DENND6A: variants seen among roughly 807,000 people sequenced by gnomAD.
The protein encoded by DENND6A is protein DENND6A.
In DENND6A, 43 loss-of-function variants were observed where a neutral mutation model predicts 95.5. The observed-to-expected ratio is 0.45, with a 90% CI of 0.35 to 0.58. The LOEUF (loss-of-function observed/expected upper bound fraction) is 0.58, where lower values mean the gene tolerates loss of function less well. DENND6A is among the 20% of genes least tolerant of loss of function. DENND6A has a pLI of 0.00. For missense variants in DENND6A, 574 were observed against 736.0 expected, an observed-to-expected ratio of 0.78 and a Z score of 2.55; for synonymous variants, 257 against 260.4, an observed-to-expected ratio of 0.99 and a Z score of 0.13.
intron 1 of DENND6A, among the ~76,000 whole-genome samples, chr3:57,680,233 G>A (rs2077151170): frequency 1.3e-5 from 2 of 152,164 alleles, no homozygotes; most frequent in Admixed American, 6.5e-5. Context: ...CTTGAATTAG[G>A]CAATGTTTTC....
chr3:57,633,717 C>T (rs1452307932), intron 14 of DENND6A, among the ~76,000 whole-genome samples: 4 of 152,000 alleles, frequency 2.6e-5, no homozygotes, highest in Admixed American at 6.6e-5. Flanking sequence ...GGTGAAACCC[C>T]GTCTCTACTA....
chr3:57,635,283 AGTGGTGAT>A (rs2070768197), intron 12 of DENND6A, among the ~76,000 whole-genome samples: 1 of 152,136 alleles, frequency 6.6e-6, no homozygotes, highest in African/African-American at 2.4e-5. Context: ...ACTGCCAGCA[AGTGGTGAT>A]GGTGTGTGCA....
chr3:57,651,630 T>C (rs2071211410), intron 9 of DENND6A, among the ~76,000 whole-genome samples: 1 of 151,952 alleles, frequency 6.6e-6, no homozygotes, highest in South Asian at 2.1e-4. Context: ...TAGTGAATTG[T>C]ACTTTAAAAG....
At chr3:57,680,282 C>T (rs1333758138) in intron 1 of DENND6A, among the ~76,000 whole-genome samples, 1 of 152,132 alleles carries the variant, frequency 6.6e-6, no homozygotes. Flanking sequence ...CAAAAGGAAA[C>T]ATAAATAAAT....
At chr3:57,681,174 T>G (rs2077160544) in intron 1 of DENND6A, among the ~76,000 whole-genome samples, 1 of 151,938 alleles carries the variant, frequency 6.6e-6, no homozygotes, top group Non-Finnish European at 1.5e-5. Context: ...TCAAAAAAGT[T>G]TAAAAATTAG....
chr3:57,656,811 A>G (rs529380983), intron 9 of DENND6A, among the ~76,000 whole-genome samples: 1 of 152,266 alleles, frequency 6.6e-6, no homozygotes, highest in East Asian at 1.9e-4. Flanking sequence ...ACAAAAATGT[A>G]GCCAGACATG....
chr3:57,643,003 T>A (rs1367143370), intron 11 of DENND6A, among the ~76,000 whole-genome samples: 6 of 95,482 alleles, frequency 6.3e-5, no homozygotes, highest in African/African-American at 1.9e-4. Flanking sequence ...CGAGACTTCA[T>A]CTCAAAAAAA....
chr3:57,632,346 G>A (rs1260085994), intron 15 of DENND6A, among the ~76,000 whole-genome samples: 1 of 151,182 alleles, frequency 6.6e-6, no homozygotes, highest in Non-Finnish European at 1.5e-5. Flanking sequence ...TTTTTTAAGA[G>A]AGTCTTGCTG....
At chr3:57,688,524 A>G (rs1559835110) in intron 1 of DENND6A, among the ~76,000 whole-genome samples, 1 of 152,028 alleles carries the variant, frequency 6.6e-6, no homozygotes, top group Non-Finnish European at 1.5e-5. Context: ...AGATACTCCA[A>G]TATTAAGCTT....
At position 57,672,747 on chromosome 3, in the gene DENND6A, C is replaced by T. The variant is rs1185204265; in HGVS notation, c.238-309G>A. Among the ~76,000 whole-genome samples, 3 of 152,076 alleles carry T rather than the reference C, an allele frequency of 2.0e-5. No individual in the cohort carries two copies. The East Asian group carries it at 5.8e-4, about 29-fold the overall frequency. ...GTAGTAAGCCGAGATCATGCCACTG[C>T]ACTCCAGCCTGGGTGACAGAGCAAG... On this transcript the variant is annotated intron_variant, in intron 1 of 19. Coordinates refer to ENST00000311128, the MANE Select transcript of DENND6A (RefSeq NM_152678.3).
At position 57,630,440 on chromosome 3, in the gene DENND6A, AG is replaced by A; in HGVS notation, c.1600del (p.Leu534Ter). 1 of 1,590,748 alleles carries A rather than the reference AG, an allele frequency of 6.3e-7. No individual in the cohort carries two copies. The highest frequency in any genetic ancestry group is 8.5e-7 in the Non-Finnish European group (1 of 1,175,080). On this transcript the variant is annotated frameshift_variant, in exon 18 of 20. Transcript: ENST00000311128. LOFTEE classifies it high-confidence loss of function. ...EMTQKLEALH[L>X]EALCEEDLLL... is the part of the protein sequence containing the mutation. ...TCGAACCTCTTCACAAAGAGCTTCT[AG>A]ATGGAGTGCCTCCAATTTTTGGGTC... is the stretch of plus-strand genomic sequence containing the variant.
chr3:57,684,157 A>AAG (rs1169210013), intron 1 of DENND6A, among the ~76,000 whole-genome samples: 2 of 149,688 alleles, frequency 1.3e-5, no homozygotes, highest in Non-Finnish European at 3.0e-5. Context: ...GTCTCAAAAA[A>AAG]AAAAAAAAAA....
chr3:57,657,235 T>C (rs2071344762), intron 9 of DENND6A, among the ~76,000 whole-genome samples: 1 of 152,226 alleles, frequency 6.6e-6, no homozygotes, highest in Non-Finnish European at 1.5e-5. Context: ...TTTTCAAACA[T>C]ACAGAAAAGT....
chr3:57,657,830 C>G (rs1159966528), intron 8 of DENND6A, 95 bp from the exon 9 acceptor site: 1 of 714,768 alleles, frequency 1.4e-6, no homozygotes, highest in Non-Finnish European at 2.3e-6. Context: ...GCCATGCTGC[C>G]CTGTCTAACT....
At chr3:57,641,322 A>G (rs1464952234) in intron 12 of DENND6A, among the ~76,000 whole-genome samples, 1 of 144,634 alleles carries the variant, frequency 6.9e-6, no homozygotes, top group Non-Finnish European at 1.5e-5. Flanking sequence ...TATATTCAAT[A>G]TATTATATTA....
In DENND6A at chr3:57,661,561, A is replaced by G. The variant is rs2071424505; in HGVS notation, c.514-10T>C. The G allele has an allele frequency of 1.3e-6, 2 of 1,561,474 alleles. No homozygotes were observed. Among genetic ancestry groups the G allele is most frequent in the Non-Finnish European group, 1.7e-6 (2 of 1,162,646 alleles). ...TGATCAAAACCAAGGACTGAGGAAA[A>G]AACAAAAACAATGTTTTAAAAATTG... On this transcript the variant is annotated splice_polypyrimidine_tract_variant and intron_variant, in intron 5 of 19. Coordinates refer to ENST00000311128, the MANE Select transcript of DENND6A (RefSeq NM_152678.3).
Position 57,627,596 on chromosome 3 carries a change from A to G in DENND6A, c.*618T>C, listed in dbSNP as rs2070560106. On this transcript the variant is annotated 3_prime_UTR_variant, in exon 20 of 20. Coordinates refer to ENST00000311128, the MANE Select transcript of DENND6A (RefSeq NM_152678.3). ...ATATGACAACTGAAAAAAACCCATC[A>G]TGTCTATTAATAAACACAATGGGTA... 2 of 152,350 alleles carry G rather than the reference A, an allele frequency of 1.3e-5. No individual in the cohort carries two copies. The allele number at this position is 152,350 out of a possible 1,614,324, so 9.4% of individuals were successfully genotyped here. A position where few individuals can be genotyped will look rare whatever the true frequency, so the allele number is the denominator to read the frequency against.
chr3:57,688,451 C>T (rs1042211858), intron 1 of DENND6A, among the ~76,000 whole-genome samples: 3 of 152,054 alleles, frequency 2.0e-5, no homozygotes, highest in East Asian at 1.9e-4. Flanking sequence ...CTACTGCTAG[C>T]GAAACCTTGT....
chr3:57,635,875 T>C (rs1303111723), intron 12 of DENND6A, among the ~76,000 whole-genome samples: 1 of 152,150 alleles, frequency 6.6e-6, no homozygotes, highest in Non-Finnish European at 1.5e-5. Flanking sequence ...AGCAAGACCA[T>C]TCCCTCCTCT....
Sources: allele counts gnomAD v4.1 joint callset (sites outside exome capture counted in the v4.1 genomes callset), GRCh38; gene constraint gnomAD v4.1.1; transcripts MANE v1.5; gene names NCBI Gene and HGNC (gene_info 2026-07-23, HGNC 2026-07-21).